GRID2: variants seen among roughly 807,000 people sequenced by gnomAD.
GRID2 encodes the protein glutamate ionotropic receptor delta type subunit 2.
GRID2 carries 33 observed loss-of-function variants against 114.8 expected under a neutral mutation model. The observed-to-expected ratio is 0.29, with a 90% confidence interval of 0.22 to 0.38. The LOEUF (loss-of-function observed/expected upper bound fraction) is 0.38. Among genes scored for constraint, GRID2 ranks in the 10% least tolerant of loss-of-function variants. The pLI, the probability that GRID2 is intolerant of heterozygous loss-of-function variation, is 1.00. For missense variants in GRID2, 1,184 were observed against 1,257.7 expected (o/e 0.94, Z 0.89); for synonymous variants, 505 against 449.9 (o/e 1.12, Z -1.55).
chr4:92,869,091 T>G (rs1745096494), intron 2 of GRID2, among the ~76,000 whole-genome samples: 1 of 152,166 alleles, frequency 6.6e-6, no homozygotes, highest in Admixed American at 6.5e-5. Context: ...TGTGTGTCCA[T>G]CTCTGCCTCT....
intron 2 of GRID2, among the ~76,000 whole-genome samples, chr4:92,759,730 A>G (rs1471770958): frequency 6.6e-6 from 1 of 151,340 alleles, no homozygotes; most frequent in African/African-American, 2.4e-5. Flanking sequence ...CAGTTTCCCA[A>G]GTAGCTCGGA....
chr4:93,216,560 C>A (rs935571918), intron 5 of GRID2, among the ~76,000 whole-genome samples, 178 bp from the exon 6 acceptor site: 6 of 152,076 alleles, frequency 3.9e-5, no homozygotes, highest in Admixed American at 6.6e-5. Context: ...AAAGCAACTA[C>A]AAATGAGTTG....
intron 1 of GRID2, among the ~76,000 whole-genome samples, chr4:92,525,637 C>T (rs1248451829): frequency 6.6e-6 from 1 of 152,060 alleles, no homozygotes; most frequent in African/African-American, 2.4e-5. Context: ...CCTCCTGACA[C>T]TGGAGTCTGT....
chr4:92,621,693 C>G (rs1381810604), intron 2 of GRID2, among the ~76,000 whole-genome samples: 1 of 151,574 alleles, frequency 6.6e-6, no homozygotes, highest in Non-Finnish European at 1.5e-5. Context: ...GATAAGGAAC[C>G]AAGTAATTAA....
intron 1 of GRID2, among the ~76,000 whole-genome samples, chr4:92,354,474 A>G (rs1178525304): frequency 6.6e-6 from 1 of 151,694 alleles, no homozygotes; most frequent in Non-Finnish European, 1.5e-5. Context: ...GTATTATTAC[A>G]TTGTTTCTGT....
At chr4:92,492,529 C>G (rs1723189731) in intron 1 of GRID2, among the ~76,000 whole-genome samples, 1 of 152,126 alleles carries the variant, frequency 6.6e-6, no homozygotes, top group Non-Finnish European at 1.5e-5. Context: ...ATTAGAACAT[C>G]CTTTCAGATA....
At chr4:92,768,318 T>A (rs905293926) in intron 2 of GRID2, among the ~76,000 whole-genome samples, 2 of 152,152 alleles carry the variant, frequency 1.3e-5, no homozygotes, top group Non-Finnish European at 2.9e-5. Context: ...GAAAAAAAAT[T>A]TTTTACTTTT....
intron 1 of GRID2, among the ~76,000 whole-genome samples, chr4:92,509,345 CTT>C (rs1471332098): frequency 1.3e-5 from 2 of 151,898 alleles, no homozygotes; most frequent in Admixed American, 6.6e-5. Flanking sequence ...GAAGTAGACA[CTT>C]AATAAAAAGT....
intron 2 of GRID2, among the ~76,000 whole-genome samples, chr4:92,694,168 A>C (rs932750762): frequency 2.6e-5 from 4 of 152,212 alleles, no homozygotes; most frequent in African/African-American, 9.6e-5. Flanking sequence ...GCCACTTTGC[A>C]TTTATTATCG....
At chr4:92,852,180 C>T (rs1219212002) in intron 2 of GRID2, among the ~76,000 whole-genome samples, 1 of 151,744 alleles carries the variant, frequency 6.6e-6, no homozygotes, top group Non-Finnish European at 1.5e-5. Context: ...GTATTTGTGG[C>T]ATTTAAGGCA....
At chr4:93,692,749 C>T (rs974216276) in intron 14 of GRID2, among the ~76,000 whole-genome samples, 17 of 152,130 alleles carry the variant, frequency 1.1e-4, no homozygotes, top group South Asian at 2.1e-4. Flanking sequence ...ACAGTAATGA[C>T]GTACACTTTA....
chr4:93,769,624 T>A (rs1039148451), intron 15 of GRID2, among the ~76,000 whole-genome samples, 174 bp downstream of exon 15: 5 of 152,176 alleles, frequency 3.3e-5, no homozygotes, highest in African/African-American at 1.2e-4. Context: ...TCAATTTCCA[T>A]TTTAGGATAT....
At chr4:93,764,758 A>C (rs1310687526) in intron 14 of GRID2, among the ~76,000 whole-genome samples, 1 of 152,202 alleles carries the variant, frequency 6.6e-6, no homozygotes, top group Non-Finnish European at 1.5e-5. Flanking sequence ...TCTATACTTC[A>C]GCACTTCAAT....
intron 2 of GRID2, among the ~76,000 whole-genome samples, chr4:92,892,046 T>C (rs1302420600): frequency 6.6e-6 from 1 of 152,028 alleles, no homozygotes; most frequent in Non-Finnish European, 1.5e-5. Flanking sequence ...GAAAATGTAA[T>C]AGCTGGTTTT....
At chr4:92,787,724 A>G (rs928755695) in intron 2 of GRID2, among the ~76,000 whole-genome samples, 3 of 151,928 alleles carry the variant, frequency 2.0e-5, no homozygotes, top group Non-Finnish European at 4.4e-5. Context: ...CCTTCTGGCT[A>G]TTTCATAGAA....
At chr4:92,689,577 C>T (rs1560534137) in intron 2 of GRID2, among the ~76,000 whole-genome samples, 1 of 152,218 alleles carries the variant, frequency 6.6e-6, no homozygotes, top group Non-Finnish European at 1.5e-5. Context: ...GTGAACTGCA[C>T]ATGCAAAGGA....
At position 92,652,842 on chromosome 4, in the gene GRID2, AAT is replaced by A. The variant is rs1369005005; in HGVS notation, c.244+62566_244+62567del. Among the ~76,000 whole-genome samples, 54 of 139,326 alleles carry A rather than the reference AAT, an allele frequency of 3.9e-4. 1 individual carries two copies. Among genetic ancestry groups the A allele is most frequent in the Non-Finnish European group, 3.4e-4 (22 of 64,554 alleles). 91.4% of individuals were successfully genotyped at this position (139,326 alleles called of 152,430 possible). ...ATATATAAATATATATAAATTTATAAATATATATATAATATATAAATACATAT... is the reference window on the plus strand; with the variant it reads ...ATATATAAATATATATAAATTTATAAATATATATAATATATAAATACATAT... On this transcript the variant is annotated intron_variant, in intron 2 of 15. Transcript: ENST00000282020.
At chr4:92,507,953 A>G (rs911956901) in intron 1 of GRID2, among the ~76,000 whole-genome samples, 3 of 151,946 alleles carry the variant, frequency 2.0e-5, no homozygotes, top group Non-Finnish European at 4.4e-5. Flanking sequence ...ACTGCATTGT[A>G]AATTCCTTCA....
At chr4:93,191,189 T>A (rs1740945002) in intron 4 of GRID2, among the ~76,000 whole-genome samples, 1 of 152,062 alleles carries the variant, frequency 6.6e-6, no homozygotes, top group Non-Finnish European at 1.5e-5. Context: ...GCACAAAAAA[T>A]AGCAAAACTC....
Sources: gnomAD v4.1 joint callset for allele counts (sites outside exome capture counted in the v4.1 genomes callset) on GRCh38, gnomAD v4.1.1 for gene constraint, MANE v1.5 for transcripts, NCBI Gene and HGNC (gene_info 2026-07-23, HGNC 2026-07-21) for gene names.